OSMR: variants seen among roughly 807,000 people sequenced by gnomAD.
The protein encoded by OSMR is oncostatin-M-specific receptor subunit beta.
In OSMR, 81 loss-of-function variants were observed where a neutral mutation model predicts 99.9. That is an observed-to-expected ratio of 0.81 (90% CI 0.68 to 0.97). The LOEUF (loss-of-function observed/expected upper bound fraction) is 0.97. Among genes scored for constraint, OSMR ranks in the 50% least tolerant of loss-of-function variants. OSMR has a pLI of 0.00. For synonymous variants in OSMR, 406 were observed against 410.4 expected (o/e 0.99, Z 0.13); for missense variants, 1,099 against 1,153.4 (o/e 0.95, Z 0.68).
rs192662814 is a variant in OSMR, at chr5:38,899,260, A to G, written c.992-4622A>G. Among the ~76,000 whole-genome samples, 285 of 152,216 alleles carry G rather than the reference A, an allele frequency of 1.9e-3. 1 individual carries two copies. Among genetic ancestry groups the G allele is most frequent in the South Asian group, 0.011 (53 of 4,820 alleles). On this transcript the variant is annotated intron_variant, in intron 7 of 17. Coordinates refer to ENST00000274276, the MANE Select transcript of OSMR (RefSeq NM_003999.3). ...AGGTGTGAGCCACTGTGTCCGGCCT[A>G]AGGCCCAAGGACTCTTTAGTCAGCT...
chr5:38,923,018 C>T lies in OSMR; in HGVS notation c.1766-132C>T, dbSNP rs145631913. On this transcript the variant is annotated intron_variant, in intron 12 of 17. Coordinates refer to ENST00000274276, the MANE Select transcript of OSMR (RefSeq NM_003999.3). ...CTCCAACTCCTGGCCTCAAGTGATC[C>T]GCCTGCCTCGGCCTCCCAAAGTGCT... 2.8e-3 allele frequency: 2,789 copies of T among 1,005,980 alleles called. 45 individuals are homozygous for T. In the African/African-American group the frequency reaches 0.038, roughly 14 times the overall value. 62.3% of individuals were successfully genotyped at this position (1,005,980 alleles called of 1,614,324 possible).
At chr5:38,875,355 C>T (rs1742733336) in intron 2 of OSMR, among the ~76,000 whole-genome samples, 1 of 152,206 alleles carries the variant, frequency 6.6e-6, no homozygotes, top group Non-Finnish European at 1.5e-5. Context: ...ACTTAACTCA[C>T]TTAGTCAGGA....
intron 1 of OSMR, chr5:38,942,051 A>G (rs998754255): frequency 1.2e-4 from 42 of 351,702 alleles, no homozygotes; most frequent in Non-Finnish European, 3.1e-5. Context: ...TCTTGCATAC[A>G]ATGGTAACTG....
intron 15 of OSMR, among the ~76,000 whole-genome samples, chr5:38,928,898 T>C (rs948939296): frequency 1.3e-5 from 2 of 151,894 alleles, no homozygotes; most frequent in Non-Finnish European, 2.9e-5. Context: ...TTACTTGGTA[T>C]ACACACACAC....
intron 1 of OSMR, among the ~76,000 whole-genome samples, chr5:38,860,833 T>C (rs1402320813): frequency 6.6e-6 from 1 of 152,150 alleles, no homozygotes; most frequent in Non-Finnish European, 1.5e-5. Flanking sequence ...CTAACATGCT[T>C]GGCTAACTTT....
rs199939252 is a variant in OSMR, at chr5:38,876,197, T to G, written c.74-4T>G. The G allele has an allele frequency of 2.4e-5, 38 of 1,611,116 alleles. No individual in the cohort carries two copies. The highest frequency in any genetic ancestry group is 3.0e-5 in the Non-Finnish European group (35 of 1,177,456). ...TATTTCATACTTCATTTTGATCTTT[T>G]CAGTCTTGGCTGAACGTTTACCATT... is the stretch of plus-strand genomic sequence containing the variant. On this transcript the variant is annotated splice_polypyrimidine_tract_variant and splice_region_variant and intron_variant, in intron 2 of 17. Transcript: ENST00000274276.
Position 38,863,056 on chromosome 5 carries a change from C to T in OSMR, c.-13-5976C>T, listed in dbSNP as rs571387892. The stretch of plus-strand genomic sequence containing the variant: ...GCGTGCGCCTGCAATCTCAGGCACT[C>T]GGCAGGCTGAGGCAGGAGAATCAGG... On this transcript the variant is annotated intron_variant, in intron 1 of 17. Coordinates refer to ENST00000274276, the MANE Select transcript of OSMR (RefSeq NM_003999.3). Among the ~76,000 whole-genome samples, 172 of 151,912 alleles carry T rather than the reference C, an allele frequency of 1.1e-3. 4 individuals carry two copies. Among genetic ancestry groups the T allele is most frequent in the African/African-American group, 3.9e-3 (163 of 41,422 alleles).
intron 15 of OSMR, among the ~76,000 whole-genome samples, chr5:38,928,781 C>T (rs926440723): frequency 1.3e-5 from 2 of 152,152 alleles, no homozygotes; most frequent in Non-Finnish European, 1.5e-5. Context: ...TCCAGAACCC[C>T]TTATCTGATT....
chr5:38,890,602 C>CTT (rs58375870), intron 7 of OSMR, among the ~76,000 whole-genome samples: 17 of 140,084 alleles, frequency 1.2e-4, no homozygotes, highest in African/African-American at 2.8e-4. Flanking sequence ...AAAGCCCCCT[C>CTT]TTTTTTTTTT....
intron 9 of OSMR, among the ~76,000 whole-genome samples, chr5:38,908,090 T>C (rs1579761991): frequency 1.3e-5 from 2 of 151,794 alleles, no homozygotes; most frequent in Admixed American, 1.3e-4. Flanking sequence ...CACCAGCAAC[T>C]CTGCCCCTAC....
chr5:38,939,905 A>G, downstream of OSMR: 1 of 227,808 alleles, frequency 4.4e-6, no homozygotes, highest in Non-Finnish European at 8.7e-6. Context: ...TTGGCACTGC[A>G]TGTATTTTTC....
intron 7 of OSMR, among the ~76,000 whole-genome samples, chr5:38,892,955 G>T (rs1438232449): frequency 6.6e-6 from 1 of 152,102 alleles, no homozygotes; most frequent in African/African-American, 2.4e-5. Context: ...CACCATTGGG[G>T]TATTTGTGGG....
intron 7 of OSMR, among the ~76,000 whole-genome samples, chr5:38,902,402 G>A (rs1174120759): frequency 3.3e-5 from 5 of 152,270 alleles, no homozygotes; most frequent in Admixed American, 2.0e-4. Flanking sequence ...ATGGCCCAAC[G>A]GGCCCTGCCC....
intron 4 of OSMR, among the ~76,000 whole-genome samples, chr5:38,882,680 G>A (rs1008695993): frequency 3.9e-5 from 6 of 152,130 alleles, no homozygotes; most frequent in Admixed American, 6.5e-5. Flanking sequence ...AAAAATGAAA[G>A]TGGTGTGTTA....
chr5:38,938,248 G>A (rs1223583525), downstream of OSMR: 1 of 226,386 alleles, frequency 4.4e-6, no homozygotes, highest in Non-Finnish European at 8.8e-6. Flanking sequence ...AAATAAAAAA[G>A]AAGAAACTCA....
At chr5:38,889,025 G>GA (rs1424569592) in intron 7 of OSMR, among the ~76,000 whole-genome samples, 1 of 152,102 alleles carries the variant, frequency 6.6e-6, no homozygotes, top group African/African-American at 2.4e-5. Context: ...CAAGGCTGAT[G>GA]AAAAGCCTAG....
At chr5:38,942,434 T>C in intron 1 of OSMR, 3 of 973,208 alleles carry the variant, frequency 3.1e-6, no homozygotes, top group South Asian at 2.0e-5. Context: ...TGATATAACA[T>C]ATTTATATAA....
At chr5:38,945,229 A>T (rs1748059855), downstream of OSMR, 1 of 635,350 alleles carries the variant, frequency 1.6e-6, no homozygotes, top group South Asian at 2.1e-5. Flanking sequence ...AAATGAAAAT[A>T]ACTACAGCAT....
In OSMR at chr5:38,869,093, T is replaced by A. The variant is rs368466906; in HGVS notation, c.49T>A (p.Ser17Thr). ...FQTTFFLTLL[S>T]LRTYQSEVLA... The stretch of plus-strand genomic sequence containing the variant: ...GACAACATTCTTCTTAACATTGCTG[T>A]CCTTGAGGACTTACCAGAGTGAAGG... Residue 17 changes from serine (S) to threonine (T), a missense_variant, in exon 2 of 18, where the codon TCC (serine) becomes ACC (threonine). Coordinates refer to ENST00000274276, the MANE Select transcript of OSMR (RefSeq NM_003999.3). The A allele has an allele frequency of 3.1e-6, 5 of 1,612,896 alleles. No individual in the cohort carries two copies. The highest frequency in any genetic ancestry group is 2.7e-5 in the African/African-American group (2 of 74,914).
Sources: allele counts gnomAD v4.1 joint callset (sites outside exome capture counted in the v4.1 genomes callset), GRCh38; gene constraint gnomAD v4.1.1; transcripts MANE v1.5; gene names NCBI Gene and HGNC (gene_info 2026-07-23, HGNC 2026-07-21).